NRG1: variants seen among roughly 807,000 people sequenced by gnomAD.
The protein encoded by NRG1 is pro-neuregulin-1, membrane-bound isoform.
In NRG1, 18 loss-of-function variants were observed where a neutral mutation model predicts 63.8. That is an observed-to-expected ratio of 0.28 (90% CI 0.19 to 0.42). The LOEUF is 0.42. Among genes scored for constraint, NRG1 ranks in the 10% least tolerant of loss-of-function variants. NRG1 has a pLI of 1.00. For missense variants in NRG1, 762 were observed against 814.7 expected (o/e 0.94, Z 0.79); for synonymous variants, 302 against 301.3 (o/e 1.00, Z -0.02).
At chr8:32,607,980 T>G (rs1845548592) in intron 3 of NRG1, among the ~76,000 whole-genome samples, 1 of 151,874 alleles carries the variant, frequency 6.6e-6, no homozygotes, top group Admixed American at 6.6e-5. Flanking sequence ...ATCATCCTTA[T>G]CCAACCCCTT....
At chr8:32,773,938 G>T (rs547208024) in intron 7 of NRG1, among the ~76,000 whole-genome samples, 1 of 152,056 alleles carries the variant, frequency 6.6e-6, no homozygotes, top group African/African-American at 2.4e-5. Flanking sequence ...ATTGGCCTAC[G>T]AACTTTATGA....
At chr8:32,486,628 T>A (rs73234106) in intron 1 of NRG1, among the ~76,000 whole-genome samples, 8 of 19,042 alleles carry the variant, frequency 4.2e-4, no homozygotes, top group African/African-American at 1.0e-3. Flanking sequence ...AATTGCTGGA[T>A]TTTTTTTTTT....
At chr8:31,794,655 T>C (rs1821025883) in intron 1 of NRG1, among the ~76,000 whole-genome samples, 1 of 151,914 alleles carries the variant, frequency 6.6e-6, no homozygotes, top group African/African-American at 2.4e-5. Context: ...TTTAGAGTTA[T>C]TGTTACTTTA....
rs1830813049 is a variant in NRG1 at position 32,526,085 on chromosome 8, T to G, written c.38-69743T>G. ...TTAAAACAATGCACATTTATTCTCT[T>G]AGAGTTTCTGTGGGCCAAGGTACTG... On this transcript the variant is annotated intron_variant, in intron 1 of 10. Transcript: ENST00000519301. Among the ~76,000 whole-genome samples the G allele has an allele frequency of 1.3e-5, 2 of 152,212 alleles. 1 individual carries two copies. Among genetic ancestry groups the G allele is most frequent in the South Asian group, 4.1e-4 (2 of 4,834 alleles).
chr8:31,874,348 A>C (rs188354590), intron 1 of NRG1, among the ~76,000 whole-genome samples: 1 of 152,360 alleles, frequency 6.6e-6, no homozygotes, highest in African/African-American at 2.4e-5. Context: ...AAAGTTTTAT[A>C]TACATGTCTG....
chr8:32,611,885 T>C (rs1197176056), intron 3 of NRG1, among the ~76,000 whole-genome samples: 1 of 152,116 alleles, frequency 6.6e-6, no homozygotes, highest in Admixed American at 6.6e-5. Context: ...TGTATTATGA[T>C]CATGATGAAA....
intron 5 of NRG1, among the ~76,000 whole-genome samples, chr8:32,724,407 C>A (rs753558669): frequency 4.6e-5 from 7 of 152,154 alleles, no homozygotes; most frequent in Non-Finnish European, 7.4e-5. Context: ...TCCTCCCAGC[C>A]CCCCCAGAAA....
intron 1 of NRG1, among the ~76,000 whole-genome samples, chr8:32,315,970 G>A (rs890076135): frequency 6.6e-6 from 1 of 152,158 alleles, no homozygotes; most frequent in Admixed American, 6.5e-5. Flanking sequence ...GAAAGGAACA[G>A]AAACTGCGTA....
At chr8:31,748,603 C>T (rs1283637057) in intron 1 of NRG1, among the ~76,000 whole-genome samples, 2 of 151,772 alleles carry the variant, frequency 1.3e-5, no homozygotes, top group African/African-American at 4.8e-5. Context: ...TAGTCCAAGA[C>T]CTAGATACAG....
At chr8:31,648,062 A>C (rs1376145324) in intron 1 of NRG1, among the ~76,000 whole-genome samples, 1 of 132,216 alleles carries the variant, frequency 7.6e-6, no homozygotes, top group African/African-American at 2.9e-5. Context: ...CTAACTCCCC[A>C]TTCCCTTTCC....
chr8:32,127,541 G>GTT (rs1834253324), intron 1 of NRG1, among the ~76,000 whole-genome samples: 1 of 151,480 alleles, frequency 6.6e-6, no homozygotes, highest in East Asian at 2.0e-4. Context: ...GTGTGTGTGT[G>GTT]TGTGTGTGTG....
In NRG1 at chr8:32,647,747, G is replaced by A. The variant is rs747975357; in HGVS notation, c.502+30862G>A. 14 of 1,589,800 alleles carry A rather than the reference G, an allele frequency of 8.8e-6. No homozygotes were observed. In the Admixed American group the frequency reaches 2.5e-4, roughly 28 times the overall value. On this transcript the variant is annotated intron_variant, in intron 5 of 11. Coordinates refer to ENST00000356819, the Ensembl canonical transcript of NRG1. ...AGATTTATTCCCCAGACATGTCTGA[G>A]GTCGCCGCCGAGAGGTCCTCCAGCC...
chr8:32,018,569 G>A (rs1365875999), intron 1 of NRG1, among the ~76,000 whole-genome samples: 1 of 152,072 alleles, frequency 6.6e-6, no homozygotes, highest in African/African-American at 2.4e-5. Context: ...TGAGTAAAAT[G>A]CTTTTTATTT....
intron 1 of NRG1, among the ~76,000 whole-genome samples, chr8:31,717,412 T>TAAAAAAAAAAAAAA (rs34835652): frequency 7.9e-6 from 1 of 126,328 alleles, no homozygotes; most frequent in African/African-American, 3.0e-5. Flanking sequence ...ATCTCGACAT[T>TAAAAAAAAAAAAAA]AAAAAAAAAA....
intron 1 of NRG1, among the ~76,000 whole-genome samples, chr8:32,055,246 T>C (rs1480337612): frequency 6.6e-6 from 1 of 152,138 alleles, no homozygotes; most frequent in Non-Finnish European, 1.5e-5. Context: ...TAATATGTGA[T>C]AGTTTTAGGT....
At chr8:32,173,364 C>T (rs1379143662) in intron 1 of NRG1, among the ~76,000 whole-genome samples, 1 of 152,176 alleles carries the variant, frequency 6.6e-6, no homozygotes, top group Non-Finnish European at 1.5e-5. Flanking sequence ...AAGGAACAAC[C>T]AGTACCAGCC....
intron 1 of NRG1, among the ~76,000 whole-genome samples, chr8:32,084,278 G>C (rs1343712644): frequency 1.3e-5 from 2 of 151,904 alleles, no homozygotes; most frequent in Non-Finnish European, 2.9e-5. Context: ...ATCTCACAGA[G>C]TTTTTTTTGG....
chr8:32,293,646 C>T (rs1854470789), intron 1 of NRG1, among the ~76,000 whole-genome samples: 1 of 148,442 alleles, frequency 6.7e-6, no homozygotes, highest in African/African-American at 2.5e-5. Flanking sequence ...TAATTTTTTT[C>T]TATTTTTTTA....
At chr8:31,882,702 C>G (rs977239116) in intron 1 of NRG1, among the ~76,000 whole-genome samples, 2 of 151,998 alleles carry the variant, frequency 1.3e-5, no homozygotes, top group Non-Finnish European at 2.9e-5. Context: ...GAAGTTGATT[C>G]CGGTCCTCAC....
Sources: gnomAD v4.1 joint callset for allele counts (sites outside exome capture counted in the v4.1 genomes callset) on GRCh38, gnomAD v4.1.1 for gene constraint, MANE v1.5 for transcripts, NCBI Gene and HGNC (gene_info 2026-07-23, HGNC 2026-07-21) for gene names.